FBXL7: variants seen among roughly 807,000 people sequenced by gnomAD.
FBXL7 encodes F-box and leucine rich repeat protein 7, also known as F-box/LRR-repeat protein 7.
FBXL7 carries 12 observed loss-of-function variants against 38.3 expected under a neutral mutation model. That is an observed-to-expected ratio of 0.31 (90% CI 0.20 to 0.51). The LOEUF is 0.51. FBXL7 is among the 20% of genes least tolerant of loss of function. FBXL7 has a pLI of 0.98. For missense variants in FBXL7, 567 were observed against 676.4 expected (o/e 0.84, Z 1.79); for synonymous variants, 297 against 300.9 (o/e 0.99, Z 0.13).
chr5:15,776,873 A>T (rs1165612389), intron 2 of FBXL7, among the ~76,000 whole-genome samples: 1 of 152,212 alleles, frequency 6.6e-6, no homozygotes, highest in Non-Finnish European at 1.5e-5. Flanking sequence ...TTAGCCATCA[A>T]TTGGGAGTTT....
At chr5:15,778,097 T>C (rs534752790) in intron 2 of FBXL7, among the ~76,000 whole-genome samples, 7 of 152,232 alleles carry the variant, frequency 4.6e-5, no homozygotes, top group African/African-American at 7.2e-5. Flanking sequence ...CTCTATTTTA[T>C]ACCTCATTAA....
intron 1 of FBXL7, among the ~76,000 whole-genome samples, chr5:15,597,944 T>G (rs1321965373): frequency 6.6e-6 from 1 of 152,242 alleles, no homozygotes; most frequent in Non-Finnish European, 1.5e-5. Flanking sequence ...TATTCCAGTT[T>G]CAGGCAAGAT....
At chr5:15,671,756 T>C (rs1005362348) in intron 2 of FBXL7, among the ~76,000 whole-genome samples, 2 of 152,198 alleles carry the variant, frequency 1.3e-5, no homozygotes. Flanking sequence ...AGAGGCTCAG[T>C]GTTGCATTGA....
intron 2 of FBXL7, among the ~76,000 whole-genome samples, chr5:15,649,154 A>G (rs1489590432): frequency 6.6e-6 from 1 of 151,882 alleles, no homozygotes; most frequent in Non-Finnish European, 1.5e-5. Context: ...AAGCCACCAC[A>G]CCCAGCTAAC....
At chr5:15,613,853 G>T (rs527553084) in intron 1 of FBXL7, among the ~76,000 whole-genome samples, 1 of 152,290 alleles carries the variant, frequency 6.6e-6, no homozygotes, top group East Asian at 1.9e-4. Context: ...ATTTCTCACA[G>T]TTCTGGAGAC....
chr5:15,697,763 G>A (rs1019597804), intron 2 of FBXL7, among the ~76,000 whole-genome samples: 5 of 152,236 alleles, frequency 3.3e-5, no homozygotes, highest in Non-Finnish European at 5.9e-5. Context: ...GTGAGATTTT[G>A]TCTTCTTCTT....
At chr5:15,654,691 G>A (rs1431489972) in intron 2 of FBXL7, among the ~76,000 whole-genome samples, 2 of 152,120 alleles carry the variant, frequency 1.3e-5, no homozygotes, top group South Asian at 2.1e-4. Flanking sequence ...CAGGCGCCTA[G>A]TTTGGCCTCC....
At chr5:15,830,231 C>G (rs1277347850) in intron 2 of FBXL7, among the ~76,000 whole-genome samples, 4 of 152,086 alleles carry the variant, frequency 2.6e-5, no homozygotes, top group Non-Finnish European at 5.9e-5. Context: ...CACCTGTAAC[C>G]CCAGCACTTT....
chr5:15,762,422 G>C (rs960715610), intron 2 of FBXL7, among the ~76,000 whole-genome samples: 12 of 152,112 alleles, frequency 7.9e-5, no homozygotes, highest in African/African-American at 2.9e-4. Context: ...GGATCACTAA[G>C]ATCCATGTTG....
intron 2 of FBXL7, among the ~76,000 whole-genome samples, chr5:15,723,404 A>G (rs541772653): frequency 4.6e-5 from 7 of 152,322 alleles, no homozygotes; most frequent in Admixed American, 2.6e-4. Flanking sequence ...AATCTACATT[A>G]TTAACATGTT....
chr5:15,821,713 A>G (rs1738173892), intron 2 of FBXL7, among the ~76,000 whole-genome samples: 1 of 152,178 alleles, frequency 6.6e-6, no homozygotes, highest in Non-Finnish European at 1.5e-5. Context: ...GAGATGAAAG[A>G]CTTTCCAGAT....
intron 1 of FBXL7, among the ~76,000 whole-genome samples, chr5:15,505,226 G>T (rs1736612658): frequency 6.6e-6 from 1 of 152,168 alleles, no homozygotes; most frequent in African/African-American, 2.4e-5. Flanking sequence ...TTGCCATGCA[G>T]CGACCCACTT....
At chr5:15,759,182 G>C (rs1388417367) in intron 2 of FBXL7, among the ~76,000 whole-genome samples, 1 of 152,078 alleles carries the variant, frequency 6.6e-6, no homozygotes, top group Admixed American at 6.6e-5. Context: ...TCCTACTCTT[G>C]AAATTGCAAT....
chr5:15,726,477 G>A lies in FBXL7; in HGVS notation c.127+110405G>A, dbSNP rs118082096. Among the ~76,000 whole-genome samples, 1,244 of 152,012 alleles carry A rather than the reference G, an allele frequency of 8.2e-3. 43 individuals carry two copies. The highest frequency in any genetic ancestry group is 0.032 in the East Asian group (163 of 5,156). ...TGGGAGGCTGCGGCAGGCAGATCAC[G>A]AGATCAGGAGTTCGAGACCAGCCTG... On this transcript the variant is annotated intron_variant, in intron 2 of 3. Coordinates refer to ENST00000504595, the MANE Select transcript of FBXL7 (RefSeq NM_012304.5).
chr5:15,785,500 A>G (rs79972231), intron 2 of FBXL7, among the ~76,000 whole-genome samples: 1 of 152,326 alleles, frequency 6.6e-6, no homozygotes, highest in East Asian at 1.9e-4. Flanking sequence ...TACACGGAAG[A>G]AGAGGGCAAT....
chr5:15,789,887 G>A lies in FBXL7; in HGVS notation c.128-138003G>A, dbSNP rs377079259. 1.1e-4 allele frequency among the ~76,000 whole-genome samples: 17 copies of A among 152,244 alleles called. No individual in the cohort carries two copies. In the East Asian group the frequency reaches 3.1e-3, roughly 28 times the overall value. On this transcript the variant is annotated intron_variant, in intron 2 of 3. Coordinates refer to ENST00000504595, the MANE Select transcript of FBXL7 (RefSeq NM_012304.5). ...CACCTCTCAACGAAGGCCTTCTAAA[G>A]CACGATGCTTACAATAAAATGCGTG...
At chr5:15,557,928 A>C (rs1738298851) in intron 1 of FBXL7, among the ~76,000 whole-genome samples, 1 of 152,246 alleles carries the variant, frequency 6.6e-6, no homozygotes, top group African/African-American at 2.4e-5. Context: ...GATTTCACTT[A>C]TAGGAATTAC....
intron 2 of FBXL7, among the ~76,000 whole-genome samples, chr5:15,864,508 G>A (rs1236087239): frequency 6.6e-6 from 1 of 152,108 alleles, no homozygotes. Context: ...TTCTAGAGTT[G>A]TAGGTGGTTC....
At chr5:15,551,793 G>A (rs1738080953) in intron 1 of FBXL7, among the ~76,000 whole-genome samples, 1 of 152,106 alleles carries the variant, frequency 6.6e-6, no homozygotes, top group Admixed American at 6.6e-5. Flanking sequence ...CAGTGCTTTT[G>A]ATCTATCTCT....
Sources: gnomAD v4.1 joint callset for allele counts (sites outside exome capture counted in the v4.1 genomes callset) on GRCh38, gnomAD v4.1.1 for gene constraint, MANE v1.5 for transcripts, NCBI Gene and HGNC (gene_info 2026-07-23, HGNC 2026-07-21) for gene names.